SBNO2: variants seen among roughly 807,000 people sequenced by gnomAD.
The protein encoded by SBNO2 is strawberry notch homolog 2, also known as protein strawberry notch homolog 2.
Under a neutral mutation model 146.3 loss-of-function variants are expected in SBNO2, and 89 were observed. The ratio of observed to expected loss-of-function variants is 0.61; its 90% CI spans 0.51 to 0.73. The LOEUF is 0.73. Ranked by LOEUF, SBNO2 falls within the 30% of genes least tolerant of loss-of-function variation. SBNO2 has a pLI of 0.00. For synonymous variants in SBNO2, 1,147 were observed against 892.6 expected, an observed-to-expected ratio of 1.29 and a Z score of -5.08; for missense variants, 2,092 against 2,003.7, an observed-to-expected ratio of 1.04 and a Z score of -0.84.
chr19:1,149,604 C>T (rs1302388728), intron 2 of SBNO2, among the ~76,000 whole-genome samples, 162 bp from the exon 3 acceptor site: 2 of 152,188 alleles, frequency 1.3e-5, no homozygotes, highest in Non-Finnish European at 2.9e-5. Context: ...ATTTAACTGC[C>T]CCGTGCCTCA....
rs5826725 is a variant in SBNO2, at chr19:1,147,432, TGGG to T, written c.168-15_168-13del. On this transcript the variant is annotated splice_polypyrimidine_tract_variant and intron_variant, in intron 3 of 31. Transcript: ENST00000361757. ...AGCTCATGAACGGGCTGGAGGGAGA[TGGG>T]GGGGGGGGAGGTGAGATGGGGTGCT... The T allele has an allele frequency of 5.9e-5, 39 of 662,042 alleles. No homozygotes were observed. The highest frequency in any genetic ancestry group is 7.7e-5 in the African/African-American group (3 of 38,802). The allele number at this position is 662,042 out of a possible 1,614,324, so 41.0% of individuals were successfully genotyped here.
At chr19:1,161,546 A>C in intron 1 of SBNO2, among the ~76,000 whole-genome samples, 1 of 8,274 alleles carries the variant, frequency 1.2e-4, no homozygotes, top group Non-Finnish European at 2.2e-4. Flanking sequence ...GGGGGGTGGA[A>C]GTGGGGGTGG....
chr19:1,168,417 G>A (rs896119752), intron 1 of SBNO2, among the ~76,000 whole-genome samples: 34 of 152,100 alleles, frequency 2.2e-4, no homozygotes, highest in African/African-American at 6.0e-4. Context: ...GGTAGCTTCC[G>A]GGGCTGGGCC....
chr19:1,120,215 C>T (rs1324875997), intron 11 of SBNO2, 192 bp from the exon 12 acceptor site: 9 of 591,464 alleles, frequency 1.5e-5, no homozygotes, highest in Admixed American at 2.9e-5. Context: ...GGCCCCCACA[C>T]GACCATTAGA....
Position 1,116,921 on chromosome 19 carries a change from C to T in SBNO2, c.1710G>A (p.Val570=). 1 of 1,557,536 alleles carries T rather than the reference C, an allele frequency of 6.4e-7. No individual in the cohort carries two copies. The highest frequency in any genetic ancestry group is 1.4e-5 in the African/African-American group (1 of 73,988). ...AREELARDKC[V]VIGLQSTGEA... ...CGCCCGTGGACTGCAGCCCGATGAC[C>T]ACGCACTGTGGGACGGCAGAGGACT... The change falls in exon 16 of 32, where the codon GTG becomes GTA. Residue 570 remains valine (V), a synonymous_variant. Transcript: ENST00000361757.
At position 1,140,638 on chromosome 19, in the gene SBNO2, G is replaced by A. The variant is rs750102715; in HGVS notation, c.279+6671C>T. The stretch of plus-strand genomic sequence containing the variant: ...GGTGGCCAGGGAGCAGGCAGAGAGC[G>A]GGGAAGGGGTGGGGGTCCCACACAG... On this transcript the variant is annotated intron_variant, in intron 4 of 31. Transcript: ENST00000361757. The surrounding 1 kb of genome is among the most constrained non-coding windows in gnomAD (Gnocchi z 4.4). 2.6e-5 allele frequency among the ~76,000 whole-genome samples: 4 copies of A among 152,300 alleles called. No individual in the cohort carries two copies. The highest frequency in any genetic ancestry group is 3.4e-3 in the Middle Eastern group (1 of 294).
rs2080173158 is a variant in SBNO2 at position 1,144,863 on chromosome 19, GAC to G, written c.279+2444_279+2445del. Among the ~76,000 whole-genome samples the G allele has an allele frequency of 2.0e-5, 3 of 150,274 alleles. No homozygotes were observed. In the South Asian group the frequency reaches 6.4e-4, roughly 32 times the overall value. On this transcript the variant is annotated intron_variant, in intron 4 of 31. Coordinates refer to ENST00000361757, the MANE Select transcript of SBNO2 (RefSeq NM_014963.3). The surrounding 1 kb of genome is among the most constrained non-coding windows in gnomAD (Gnocchi z 4.1). ...AGGGGCAGAGACAAGCAGAGAGGGA[GAC>G]ACAGACAGAGACAGAGAGGGAGACA...
At chr19:1,147,259 C>G in intron 4 of SBNO2, 50 bp downstream of exon 4, 1 of 1,291,578 alleles carries the variant, frequency 7.7e-7, no homozygotes. Flanking sequence ...GAGGGGCGGC[C>G]CAGACTCCAC....
At position 1,126,385 on chromosome 19, in the gene SBNO2, G is replaced by A. The variant is rs1275589851; in HGVS notation, c.441+1219C>T. On this transcript the variant is annotated intron_variant, in intron 5 of 31. Coordinates refer to ENST00000361757, the MANE Select transcript of SBNO2 (RefSeq NM_014963.3). The surrounding 1 kb of genome is among the most constrained non-coding windows in gnomAD (Gnocchi z 4.4). ...ATTGGGTTTCAGATGCCCTCGTGCC[G>A]GCCACAGCAGGCCGGTCAGGCCCTG... 1.3e-5 allele frequency among the ~76,000 whole-genome samples: 2 copies of A among 152,092 alleles called. No homozygotes were observed. Among genetic ancestry groups the A allele is most frequent in the African/African-American group, 2.4e-5 (1 of 41,406 alleles).
At chr19:1,127,427 C>T (rs2079977887) in intron 5 of SBNO2, 177 bp downstream of exon 5, 2 of 642,062 alleles carry the variant, frequency 3.1e-6, no homozygotes, top group Non-Finnish European at 5.5e-6. Flanking sequence ...ATTCAGGACA[C>T]AAGAGGACCC....
At chr19:1,153,950 A>G (rs1449402640) in intron 2 of SBNO2, among the ~76,000 whole-genome samples, 1 of 152,206 alleles carries the variant, frequency 6.6e-6, no homozygotes, top group Admixed American at 6.5e-5. Context: ...ATCTCCTCAA[A>G]TGTGCTTCTT....
intron 4 of SBNO2, among the ~76,000 whole-genome samples, chr19:1,145,491 A>C (rs2080181521): frequency 6.6e-6 from 1 of 151,446 alleles, no homozygotes; most frequent in African/African-American, 2.4e-5. Context: ...AAAAAAAAGA[A>C]AGAAAGAAAG....
intron 3 of SBNO2, 131 bp downstream of exon 3, chr19:1,149,238 C>G: frequency 2.5e-6 from 2 of 799,700 alleles, no homozygotes; most frequent in Non-Finnish European, 4.1e-6. Context: ...TCCAGGACCA[C>G]GTGCACACCA....
In SBNO2 at chr19:1,157,414, G is replaced by GAAGACGCTCTCCCCACGCAGCCCCA. The variant is rs1427638154; in HGVS notation, c.-126-3013_-126-3012insTGGGGCTGCGTGGGGAGAGCGTCTT. 6.7e-6 allele frequency among the ~76,000 whole-genome samples: 1 copy of GAAGACGCTCTCCCCACGCAGCCCCA among 148,942 alleles called. No homozygotes were observed. Among genetic ancestry groups the GAAGACGCTCTCCCCACGCAGCCCCA allele is most frequent in the African/African-American group, 2.4e-5 (1 of 40,876 alleles). ...GGAGACGCTCTCCCCACGCGGCCCCGGAGACCCTCTCCCCACGCGGCCCCG... is the reference window on the plus strand; with the variant it reads ...GGAGACGCTCTCCCCACGCGGCCCCGAAGACGCTCTCCCCACGCAGCCCCAGAGACCCTCTCCCCACGCGGCCCCG... On this transcript the variant is annotated intron_variant, in intron 1 of 31. Transcript: ENST00000361757. This position sits in a 1 kb window ranked among gnomAD's most constrained non-coding sequence, Gnocchi z 6.8.
chr19:1,166,364 C>T (rs1003996728), intron 1 of SBNO2, among the ~76,000 whole-genome samples: 3 of 152,232 alleles, frequency 2.0e-5, no homozygotes, highest in South Asian at 2.1e-4. Context: ...CCCCATGCTC[C>T]GAGCGGGCCT....
At position 1,112,174 on chromosome 19, in the gene SBNO2, C is replaced by G. The variant is rs1259266219; in HGVS notation, c.2628+15G>C. ...GGCCTGTCCCTGGTTCTCAGCCCCACCCCCACCTGCTCACCAGACTCTCCA... is the reference window on the plus strand; with the variant it reads ...GGCCTGTCCCTGGTTCTCAGCCCCAGCCCCACCTGCTCACCAGACTCTCCA... On this transcript the variant is annotated intron_variant, in intron 22 of 31. Coordinates refer to ENST00000361757, the MANE Select transcript of SBNO2 (RefSeq NM_014963.3). The surrounding 1 kb of genome is among the most constrained non-coding windows in gnomAD (Gnocchi z 5.9). The G allele has an allele frequency of 6.3e-7, 1 of 1,582,614 alleles. No homozygotes were observed. The highest frequency in any genetic ancestry group is 1.8e-5 in the Admixed American group (1 of 55,290).
In SBNO2 at chr19:1,109,675, C is replaced by T; in HGVS notation, c.3123+8G>A. 1 of 1,607,460 alleles carries T rather than the reference C, an allele frequency of 6.2e-7. No homozygotes were observed. Among genetic ancestry groups the T allele is most frequent in the Non-Finnish European group, 8.5e-7 (1 of 1,176,808 alleles). ...AGAGTGTGAGGGGCTGTGGGGCTTC[C>T]TGCTGACCTTGTAGAAGACCACCTG... On this transcript the variant is annotated splice_region_variant and intron_variant, in intron 27 of 31. Transcript: ENST00000361757. This position sits in a 1 kb window ranked among gnomAD's most constrained non-coding sequence, Gnocchi z 4.2.
intron 4 of SBNO2, among the ~76,000 whole-genome samples, chr19:1,134,337 G>A (rs902269331): frequency 6.0e-5 from 9 of 148,798 alleles, no homozygotes; most frequent in Non-Finnish European, 1.0e-4. Context: ...CACAGCTCCC[G>A]GGTGGACCCT....
At chr19:1,124,157 G>C in intron 5 of SBNO2, 135 bp from the exon 6 acceptor site, 1 of 819,766 alleles carries the variant, frequency 1.2e-6, no homozygotes, top group Non-Finnish European at 2.0e-6. Context: ...CCAGGGCCCT[G>C]GGTCTTGCTC....
Sources: allele counts gnomAD v4.1 joint callset (sites outside exome capture counted in the v4.1 genomes callset), GRCh38; gene constraint gnomAD v4.1.1; non-coding constraint Gnocchi (gnomAD v3.1); transcripts MANE v1.5; gene names NCBI Gene and HGNC (gene_info 2026-07-23, HGNC 2026-07-21).